The following RTL4 variants were observed in gnomAD, a reference collection of about 807,000 sequenced individuals.
The protein encoded by RTL4 is retrotransposon Gag-like protein 4.
In RTL4, 4 loss-of-function variants were observed where a neutral mutation model predicts 5.3. The observed-to-expected ratio is 0.75, with a 90% CI of 0.37 to 1.72. RTL4 has a LOEUF of 1.72. RTL4 is among the 40% of genes most tolerant of loss of function. The pLI is 0.04. For synonymous variants in RTL4, 98 were observed against 87.3 expected, an observed-to-expected ratio of 1.12 and a Z score of -0.68; for missense variants, 260 against 227.1, an observed-to-expected ratio of 1.14 and a Z score of -0.93.
At chrX:112,086,157 T>G in the RTL4 span, among the ~76,000 whole-genome samples, 1 of 112,257 alleles carries the variant, frequency 8.9e-6, no homozygotes, top group Non-Finnish European at 1.9e-5. Flanking sequence ...GCTTATTGTT[T>G]GAGGTTCTGC....
the RTL4 span, among the ~76,000 whole-genome samples, chrX:112,369,040 C>T: frequency 8.9e-6 from 1 of 112,685 alleles, no homozygotes; most frequent in Non-Finnish European, 1.9e-5. Flanking sequence ...CATAGAGTGC[C>T]TCTTGCCCAT....
the RTL4 span, among the ~76,000 whole-genome samples, chrX:112,196,665 T>G: frequency 1.8e-5 from 2 of 111,954 alleles, no homozygotes; most frequent in African/African-American, 6.5e-5. Flanking sequence ...AATTTTTAAT[T>G]GTCAATTTTA....
chrX:112,380,460 AT>A, the RTL4 span, among the ~76,000 whole-genome samples: 1 of 112,008 alleles, frequency 8.9e-6, no homozygotes, highest in African/African-American at 3.2e-5. Context: ...CCCGGGATCA[AT>A]TTTTTTAAAC....
the RTL4 span, among the ~76,000 whole-genome samples, chrX:112,410,046 T>C: frequency 8.1e-5 from 9 of 111,618 alleles, no homozygotes; most frequent in East Asian, 1.4e-3. Flanking sequence ...AGATATTCCA[T>C]GCAAATAGAA....
the RTL4 span, among the ~76,000 whole-genome samples, chrX:112,270,755 T>C: frequency 9.1e-6 from 1 of 110,329 alleles, no homozygotes; most frequent in Non-Finnish European, 1.9e-5. Flanking sequence ...AGGAGTTCTG[T>C]TGGGAGGAAG....
the RTL4 span, among the ~76,000 whole-genome samples, chrX:112,175,996 A>C: frequency 9.0e-6 from 1 of 110,614 alleles, no homozygotes; most frequent in Admixed American, 9.6e-5. Flanking sequence ...TCTCAGCCCA[A>C]AATCTCCTTA....
chrX:112,098,518 C>T, the RTL4 span, among the ~76,000 whole-genome samples: 2 of 111,393 alleles, frequency 1.8e-5, no homozygotes, highest in South Asian at 3.8e-4. Context: ...AGTTCTAGAT[C>T]CCTGAGGAAT....
At chrX:112,090,422 G>A in the RTL4 span, among the ~76,000 whole-genome samples, 1 of 111,066 alleles carries the variant, frequency 9.0e-6, no homozygotes, top group Non-Finnish European at 1.9e-5. Context: ...GTTGCTTTCG[G>A]TTCATACTTT....
At chrX:112,340,601 G>T in the RTL4 span, among the ~76,000 whole-genome samples, 1 of 105,509 alleles carries the variant, frequency 9.5e-6, no homozygotes, top group Middle Eastern at 4.7e-3. Context: ...TGGGGAGGCG[G>T]GGTGGCGGGG....
chrX:112,187,160 C>G, the RTL4 span, among the ~76,000 whole-genome samples: 4 of 112,217 alleles, frequency 3.6e-5, no homozygotes, highest in African/African-American at 1.3e-4. Flanking sequence ...GCTGATATTG[C>G]AAACTTTGGG....
the RTL4 span, among the ~76,000 whole-genome samples, chrX:112,103,586 A>G: frequency 1.8e-5 from 2 of 111,192 alleles, no homozygotes; most frequent in African/African-American, 3.3e-5. Flanking sequence ...GAACGAAAAA[A>G]AAAAGAAAAG....
the RTL4 span, among the ~76,000 whole-genome samples, chrX:112,125,094 T>C: frequency 0.16 from 16,333 of 105,060 alleles, 2,105 homozygotes; most frequent in African/African-American, 0.41. Context: ...TTATTAGAGA[T>C]GGGGTTTCAC....
the RTL4 span, among the ~76,000 whole-genome samples, chrX:112,380,413 A>T: frequency 1.8e-5 from 2 of 111,557 alleles, no homozygotes; most frequent in South Asian, 7.6e-4. Flanking sequence ...CGGCCTCCCA[A>T]AGTGCTGGGA....
the RTL4 span, among the ~76,000 whole-genome samples, chrX:112,405,559 T>G: frequency 8.9e-6 from 1 of 112,034 alleles, no homozygotes; most frequent in Non-Finnish European, 1.9e-5. Flanking sequence ...TGAACAAAGT[T>G]CAGAAGTTTG....
the RTL4 span, among the ~76,000 whole-genome samples, chrX:112,307,027 T>A: frequency 1.8e-5 from 2 of 111,500 alleles, no homozygotes; most frequent in African/African-American, 6.5e-5. Context: ...GTTTTTTTCA[T>A]GTTGGCATTC....
the RTL4 span, among the ~76,000 whole-genome samples, chrX:112,124,393 T>G: frequency 9.0e-6 from 1 of 111,516 alleles, no homozygotes; most frequent in Non-Finnish European, 1.9e-5. Context: ...CAGCACTATT[T>G]ACAATAGCAC....
At chrX:112,156,662 G>T in the RTL4 span, among the ~76,000 whole-genome samples, 53 of 111,871 alleles carry the variant, frequency 4.7e-4, no homozygotes, top group African/African-American at 1.7e-3. Flanking sequence ...GTGGGTGGGG[G>T]TTGGTTAGTC....
the RTL4 span, among the ~76,000 whole-genome samples, chrX:112,394,751 C>T: frequency 8.9e-6 from 1 of 112,045 alleles, no homozygotes; most frequent in Non-Finnish European, 1.9e-5. Flanking sequence ...GATACTGAAA[C>T]ATTTAAATCT....
the RTL4 span, among the ~76,000 whole-genome samples, chrX:112,195,018 A>G: frequency 8.9e-6 from 1 of 112,163 alleles, no homozygotes; most frequent in African/African-American, 3.2e-5. Context: ...ATAATGCAAG[A>G]TTTCTGTTTT....
Sources: allele counts gnomAD v4.1 joint callset (sites outside exome capture counted in the v4.1 genomes callset), GRCh38; gene constraint gnomAD v4.1.1; transcripts MANE v1.5; gene names NCBI Gene and HGNC (gene_info 2026-07-23, HGNC 2026-07-21).